The following ABRAXAS2 variants were observed in gnomAD, a reference collection of about 807,000 sequenced individuals.
ABRAXAS2 encodes BRISC complex subunit Abraxas 2.
Under a neutral mutation model 49.0 loss-of-function variants are expected in ABRAXAS2, and 23 were observed. That is an observed-to-expected ratio of 0.47 (90% confidence interval 0.34 to 0.66). ABRAXAS2 has a LOEUF of 0.66. Among genes scored for constraint, ABRAXAS2 ranks in the 30% least tolerant of loss-of-function variants. The pLI, the probability that ABRAXAS2 is intolerant of heterozygous loss-of-function variation, is 0.01. For missense variants in ABRAXAS2, 443 were observed against 511.9 expected, an observed-to-expected ratio of 0.87 and a Z score of 1.30; for synonymous variants, 168 against 180.2, an observed-to-expected ratio of 0.93 and a Z score of 0.54.
Position 124,826,727 on chromosome 10 carries a change from TCCA to T in ABRAXAS2, c.402_404del (p.Thr135del), listed in dbSNP as rs1328332026. The T allele has an allele frequency of 6.2e-7, 1 of 1,614,176 alleles. No homozygotes were observed. The highest frequency in any genetic ancestry group is 1.1e-5 in the South Asian group (1 of 91,084). On this transcript the variant is annotated inframe_deletion, in exon 5 of 9. Transcript: ENST00000298492. ...CGTCTTTCTTCTCTTCAGCTTCATC[TCCA>T]CTGCCAACAATTCCACTCACGCTTT...
rs752499401 is a variant in ABRAXAS2 at position 124,834,782 on chromosome 10, A to T, written c.1059A>T (p.Gly353=). The part of the protein sequence containing the change: ...ASTSAGLKYP[G]SGADLPPPQR... ...CCAGTGCCGGACTGAAGTATCCTGG[A>T]AGTGGGGCTGACCTTCCTCCTCCCC... The change falls in exon 9 of 9, where the codon GGA becomes GGT. Residue 353 remains glycine, a synonymous_variant. Coordinates refer to ENST00000298492, the MANE Select transcript of ABRAXAS2 (RefSeq NM_032182.4). The T allele has an allele frequency of 5.0e-6, 8 of 1,613,966 alleles. No homozygotes were observed. Among genetic ancestry groups the T allele is most frequent in the Admixed American group, 1.7e-5 (1 of 59,986 alleles).
chr10:124,802,012 C>A (rs146309339), intron 1 of ABRAXAS2, 111 bp downstream of exon 1: 39 of 1,083,088 alleles, frequency 3.6e-5, no homozygotes, highest in Admixed American at 1.1e-4. Flanking sequence ...GGCACCAGGG[C>A]CGGCCGGAGG....
intron 4 of ABRAXAS2, among the ~76,000 whole-genome samples, chr10:124,822,094 C>T (rs1950865021): frequency 6.6e-6 from 1 of 152,304 alleles, no homozygotes; most frequent in South Asian, 2.1e-4. Context: ...ATCCAGTGCA[C>T]AAGGATGTTT....
At chr10:124,818,410 A>G (rs1950839128) in intron 3 of ABRAXAS2, among the ~76,000 whole-genome samples, 1 of 152,032 alleles carries the variant, frequency 6.6e-6, no homozygotes, top group Non-Finnish European at 1.5e-5. Context: ...AAAAAAAAAA[A>G]AAAAAAGATT....
intron 4 of ABRAXAS2, among the ~76,000 whole-genome samples, chr10:124,825,871 G>GTGGGGTCCAGGAATCTGCACTTTAGGGA (rs1359192964): frequency 1.3e-5 from 2 of 152,122 alleles, no homozygotes; most frequent in Non-Finnish European, 2.9e-5. Context: ...GCAGATTTGG[G>GTGGGGTCCAGGAATCTGCACTTTAGGGA]TGGGGTCCAG....
intron 2 of ABRAXAS2, among the ~76,000 whole-genome samples, chr10:124,812,650 A>G (rs1240026919): frequency 6.6e-6 from 1 of 152,124 alleles, no homozygotes; most frequent in Non-Finnish European, 1.5e-5. Context: ...CTCAAAAATA[A>G]ATAAATAAAT....
chr10:124,805,956 G>T (rs148163908), intron 1 of ABRAXAS2, among the ~76,000 whole-genome samples: 3 of 152,140 alleles, frequency 2.0e-5, no homozygotes. Context: ...ATCAACTGTG[G>T]TGGTAAATGC....
intron 1 of ABRAXAS2, among the ~76,000 whole-genome samples, chr10:124,805,210 G>T (rs918946136): frequency 1.3e-5 from 2 of 151,946 alleles, no homozygotes; most frequent in Admixed American, 6.6e-5. Flanking sequence ...GCGGGCGCCT[G>T]TAGTCCCAGC....
chr10:124,809,125 C>G (rs1012245947), intron 2 of ABRAXAS2, among the ~76,000 whole-genome samples: 1 of 151,580 alleles, frequency 6.6e-6, no homozygotes, highest in Non-Finnish European at 1.5e-5. Context: ...GAGCGAAACT[C>G]TGTCTCAAAA....
chr10:124,813,905 A>G (rs1183799874), intron 2 of ABRAXAS2, among the ~76,000 whole-genome samples: 1 of 152,230 alleles, frequency 6.6e-6, no homozygotes, highest in Non-Finnish European at 1.5e-5. Context: ...CCTGAACTCT[A>G]GGTAATATTT....
rs77544824 is a variant in ABRAXAS2, at chr10:124,808,772, C to T, written c.163+1851C>T. On this transcript the variant is annotated intron_variant, in intron 2 of 8. Coordinates refer to ENST00000298492, the MANE Select transcript of ABRAXAS2 (RefSeq NM_032182.4). ...AACGAGGTCTGCATAAAACACATAG[C>T]GAATCTGGCCTGTTCATATGACTAA... Among the ~76,000 whole-genome samples the T allele has an allele frequency of 2.7e-3, 417 of 152,256 alleles. 3 individuals carry two copies. The highest frequency in any genetic ancestry group is 8.6e-3 in the African/African-American group (358 of 41,564).
At chr10:124,812,644 AAAAT>A (rs999069966) in intron 2 of ABRAXAS2, among the ~76,000 whole-genome samples, 8 of 152,236 alleles carry the variant, frequency 5.3e-5, no homozygotes, top group Non-Finnish European at 8.8e-5. Context: ...CCTTGTCTCA[AAAAT>A]AAATAAATAA....
chr10:124,810,572 C>T (rs984655260), intron 2 of ABRAXAS2, among the ~76,000 whole-genome samples: 9 of 137,282 alleles, frequency 6.6e-5, no homozygotes, highest in Admixed American at 4.1e-4. Flanking sequence ...GTTAGTCTTT[C>T]GTCGAGGATG....
rs1467763939 is a variant in ABRAXAS2 at position 124,835,954 on chromosome 10, CTTATT to C, written c.*992_*996del. On this transcript the variant is annotated 3_prime_UTR_variant, in exon 9 of 9. Coordinates refer to ENST00000298492, the MANE Select transcript of ABRAXAS2 (RefSeq NM_032182.4). ...TTCATTTTCAAGCTGAATAACCATACTTATTTTATTTTAAGTTGCCATTTGGGGAA... is the reference window on the plus strand; with the variant it reads ...TTCATTTTCAAGCTGAATAACCATACTTATTTTAAGTTGCCATTTGGGGAA... 8 of 152,702 alleles carry C rather than the reference CTTATT, an allele frequency of 5.2e-5. No homozygotes were observed. In the South Asian group the frequency reaches 8.3e-4, roughly 16 times the overall value. 9.5% of individuals were successfully genotyped at this position (152,702 alleles called of 1,614,324 possible). A position where few individuals can be genotyped will look rare whatever the true frequency, so the allele number is the denominator to read the frequency against.
At chr10:124,828,593 C>T (rs1165785119) in intron 5 of ABRAXAS2, among the ~76,000 whole-genome samples, 163 bp from the exon 6 acceptor site, 3 of 151,898 alleles carry the variant, frequency 2.0e-5, no homozygotes, top group Admixed American at 6.6e-5. Context: ...GCGTTGGTCT[C>T]GAACTCCTGA....
chr10:124,811,794 A>G (rs1244400756), intron 2 of ABRAXAS2, among the ~76,000 whole-genome samples: 1 of 152,132 alleles, frequency 6.6e-6, no homozygotes, highest in Non-Finnish European at 1.5e-5. Context: ...GTTTTGTTTG[A>G]GACGGAGTTT....
rs747848726 is a variant in ABRAXAS2 at position 124,816,632 on chromosome 10, T to C, written c.200+20T>C. The C allele has an allele frequency of 1.7e-5, 27 of 1,570,040 alleles. No individual in the cohort carries two copies. In the African/African-American group the frequency reaches 3.3e-4, roughly 19 times the overall value. On this transcript the variant is annotated intron_variant, in intron 3 of 8. Transcript: ENST00000298492. ...TTTTAGGTAAGCCATATGTAAGCTT[T>C]TAGTCCTTACTAAAAGGATTGATTG...
At chr10:124,807,630 A>G (rs1950755526) in intron 2 of ABRAXAS2, among the ~76,000 whole-genome samples, 1 of 152,188 alleles carries the variant, frequency 6.6e-6, no homozygotes, top group Non-Finnish European at 1.5e-5. Context: ...GAAAGAAAAA[A>G]ACTAAAATTA....
chr10:124,810,267 T>TTG (rs1950778274), intron 2 of ABRAXAS2, among the ~76,000 whole-genome samples: 1 of 152,190 alleles, frequency 6.6e-6, no homozygotes, highest in Non-Finnish European at 1.5e-5. Flanking sequence ...GGCTCATACC[T>TTG]GTAATCCCAA....
Sources: allele counts gnomAD v4.1 joint callset (sites outside exome capture counted in the v4.1 genomes callset), GRCh38; gene constraint gnomAD v4.1.1; transcripts MANE v1.5; gene names NCBI Gene and HGNC (gene_info 2026-07-23, HGNC 2026-07-21).